Variants in NELL2 observed in about 807,000 individuals in gnomAD.
The protein encoded by NELL2 is protein kinase C-binding protein NELL2.
In NELL2, 41 loss-of-function variants were observed where a neutral mutation model predicts 109.6. The observed-to-expected ratio is 0.37, with a 90% CI of 0.29 to 0.49. The LOEUF (loss-of-function observed/expected upper bound fraction) is 0.49. NELL2 is among the 20% of genes least tolerant of loss of function. The pLI, the probability that NELL2 is intolerant of heterozygous loss-of-function variation, is 0.98. For missense variants in NELL2, 900 were observed against 1,008.3 expected (o/e 0.89, Z 1.45); for synonymous variants, 355 against 344.7 (o/e 1.03, Z -0.33).
chr12:44,850,304 G>A (rs1358237267), intron 2 of NELL2, among the ~76,000 whole-genome samples: 2 of 151,850 alleles, frequency 1.3e-5, no homozygotes, highest in African/African-American at 4.8e-5. Context: ...AAAAATTCCA[G>A]CAATACAAAA....
At chr12:44,768,249 C>G (rs1209235200) in intron 9 of NELL2, among the ~76,000 whole-genome samples, 6 of 152,046 alleles carry the variant, frequency 3.9e-5, no homozygotes, top group Admixed American at 3.9e-4. Flanking sequence ...TATTTTTCCA[C>G]TGATTGGACA....
intron 1 of NELL2, among the ~76,000 whole-genome samples, chr12:44,893,303 C>T (rs753741709): frequency 1.2e-4 from 18 of 150,288 alleles, no homozygotes; most frequent in Non-Finnish European, 2.4e-4. Flanking sequence ...TCAGTTTTCT[C>T]TCCAATTTTC....
intron 15 of NELL2, among the ~76,000 whole-genome samples, chr12:44,540,780 C>CAAAAAAAAAAAAA (rs1565895508): frequency 3.8e-4 from 3 of 7,924 alleles, no homozygotes; most frequent in East Asian, 0.1. Context: ...AGTCTGCAAG[C>CAAAAAAAAAAAAA]CAAAAAAAAA....
At chr12:44,573,459 G>A (rs1943948042) in intron 15 of NELL2, among the ~76,000 whole-genome samples, 1 of 152,126 alleles carries the variant, frequency 6.6e-6, no homozygotes, top group Non-Finnish European at 1.5e-5. Flanking sequence ...TTAATAGGAA[G>A]ATATCAATTA....
chr12:44,537,424 T>C (rs1942343415), intron 15 of NELL2, among the ~76,000 whole-genome samples: 2 of 152,248 alleles, frequency 1.3e-5, no homozygotes, highest in East Asian at 1.9e-4. Flanking sequence ...TTTCTGCTCT[T>C]ATATTGGATA....
At chr12:44,593,160 T>C (rs1025257860) in intron 15 of NELL2, among the ~76,000 whole-genome samples, 1 of 152,130 alleles carries the variant, frequency 6.6e-6, no homozygotes, top group Non-Finnish European at 1.5e-5. Flanking sequence ...AAATACAATA[T>C]AGCCCCTTGG....
intron 2 of NELL2, among the ~76,000 whole-genome samples, chr12:44,870,299 T>G (rs1396864650): frequency 6.6e-6 from 1 of 152,206 alleles, no homozygotes; most frequent in African/African-American, 2.4e-5. Flanking sequence ...AAAGTCTATT[T>G]AAGGCAATCT....
intron 13 of NELL2, among the ~76,000 whole-genome samples, chr12:44,644,608 G>GTATA (rs1180129986): frequency 0.01 from 914 of 90,758 alleles, 33 homozygotes; most frequent in African/African-American, 0.04. Flanking sequence ...ATATATGTAT[G>GTATA]TATATATATA....
chr12:44,524,614 A>C lies in NELL2; in HGVS notation c.1805-1130T>G, dbSNP rs143072539. ...GACTAGTAAAAACTTGGCAATTTTA[A>C]ATTTCTTATATACTTAAATTCTGCC... On this transcript the variant is annotated intron_variant, in intron 16 of 19. Coordinates refer to ENST00000429094, the MANE Select transcript of NELL2 (RefSeq NM_001145108.2). 1.5e-4 allele frequency among the ~76,000 whole-genome samples: 23 copies of C among 152,302 alleles called. No individual in the cohort carries two copies. In the East Asian group the frequency reaches 3.5e-3, roughly 23 times the overall value.
chr12:44,794,899 T>C (rs902566731), intron 3 of NELL2, among the ~76,000 whole-genome samples: 3 of 145,652 alleles, frequency 2.1e-5, no homozygotes, highest in Non-Finnish European at 3.0e-5. Context: ...TGAACATATC[T>C]TGTCTCCCTG....
chr12:44,632,952 G>C (rs1251838552), intron 13 of NELL2, among the ~76,000 whole-genome samples: 4 of 151,746 alleles, frequency 2.6e-5, no homozygotes, highest in Non-Finnish European at 4.4e-5. Flanking sequence ...CTAGTGGATA[G>C]GACTACCACT....
chr12:44,724,128 A>T (rs1218593518), intron 9 of NELL2, among the ~76,000 whole-genome samples: 1 of 151,804 alleles, frequency 6.6e-6, no homozygotes, highest in Admixed American at 6.6e-5. Flanking sequence ...ATCCTAGACA[A>T]CCTAACACGA....
chr12:44,703,650 G>A (rs1316802093), intron 12 of NELL2, 76 bp downstream of exon 12: 11 of 1,509,598 alleles, frequency 7.3e-6, no homozygotes, highest in Non-Finnish European at 1.0e-5. Flanking sequence ...TTGACAACCT[G>A]GGAACTTAAT....
Position 44,777,923 on chromosome 12 carries a change from A to G in NELL2, c.607-609T>C, listed in dbSNP as rs145571806. ...GTCAGCTGGAAATGACCTGTTTTAC[A>G]TAGAAAATTTTATCACATGTTTATA... On this transcript the variant is annotated intron_variant, in intron 5 of 19. Transcript: ENST00000429094. 3.4e-3 allele frequency among the ~76,000 whole-genome samples: 520 copies of G among 152,338 alleles called. 4 individuals are homozygous for G. Among genetic ancestry groups the G allele is most frequent in the Admixed American group, 0.023 (345 of 15,300 alleles).
chr12:44,689,827 C>T (rs1948845158), intron 12 of NELL2, among the ~76,000 whole-genome samples: 1 of 152,100 alleles, frequency 6.6e-6, no homozygotes, highest in African/African-American at 2.4e-5. Context: ...TCCTACAATG[C>T]ACAGGACAGC....
intron 3 of NELL2, among the ~76,000 whole-genome samples, chr12:44,789,674 C>T (rs2136624458): frequency 6.6e-6 from 1 of 152,054 alleles, no homozygotes; most frequent in South Asian, 2.1e-4. Context: ...TTAAGCTAAT[C>T]AGGGAGACAC....
chr12:44,521,321 G>A (rs1004262911), intron 18 of NELL2, among the ~76,000 whole-genome samples: 2 of 152,038 alleles, frequency 1.3e-5, no homozygotes, highest in East Asian at 3.9e-4. Context: ...ACGAGGTCAG[G>A]AGATCGAGAC....
chr12:44,831,723 C>A (rs769716380), intron 2 of NELL2, among the ~76,000 whole-genome samples: 1 of 152,162 alleles, frequency 6.6e-6, no homozygotes, highest in African/African-American at 2.4e-5. Context: ...TGTCCCCACT[C>A]TTCTTTTCTT....
At position 44,857,113 on chromosome 12, in the gene NELL2, T is replaced by C. The variant is rs545589168; in HGVS notation, c.184+18112A>G. 1.6e-4 allele frequency among the ~76,000 whole-genome samples: 24 copies of C among 152,280 alleles called. No individual in the cohort carries two copies. In the South Asian group the frequency reaches 5.0e-3, roughly 32 times the overall value. On this transcript the variant is annotated intron_variant, in intron 2 of 19. Transcript: ENST00000429094. Reference sequence around the variant, plus strand: ...ACAATAATTCCACCAAAGGAAGAATTTGTAGCCAAAGTGACAACCTACCTG... The same window carrying C: ...ACAATAATTCCACCAAAGGAAGAATCTGTAGCCAAAGTGACAACCTACCTG...
Sources: gnomAD v4.1 joint callset for allele counts (sites outside exome capture counted in the v4.1 genomes callset) on GRCh38, gnomAD v4.1.1 for gene constraint, MANE v1.5 for transcripts, NCBI Gene and HGNC (gene_info 2026-07-23, HGNC 2026-07-21) for gene names.